Variants in RASSF3 observed in about 807,000 individuals in gnomAD.
The protein encoded by RASSF3 is ras association domain-containing protein 3.
RASSF3 carries 19 observed loss-of-function variants against 19.9 expected under a neutral mutation model. That is an observed-to-expected ratio of 0.96 (90% CI 0.67 to 1.40). RASSF3 has a LOEUF of 1.40. Among genes scored for constraint, RASSF3 ranks in the 40% most tolerant of loss-of-function variants. The pLI, the probability that RASSF3 is intolerant of heterozygous loss-of-function variation, is 0.00. For synonymous variants in RASSF3, 110 were observed against 104.2 expected (o/e 1.06, Z -0.34); for missense variants, 306 against 289.8 (o/e 1.06, Z -0.41).
chr12:64,633,512 C>T (rs1481402607), intron 1 of RASSF3, among the ~76,000 whole-genome samples: 2 of 144,944 alleles, frequency 1.4e-5, no homozygotes, highest in Admixed American at 1.3e-4. Context: ...TTCCTTTCAC[C>T]TCCTGAGGTC....
At chr12:64,618,263 A>G (rs1356303451) in intron 1 of RASSF3, among the ~76,000 whole-genome samples, 1 of 152,076 alleles carries the variant, frequency 6.6e-6, no homozygotes, top group Non-Finnish European at 1.5e-5. Context: ...TTTTCTTAAT[A>G]GTTTAAACAG....
intron 4 of RASSF3, among the ~76,000 whole-genome samples, chr12:64,694,059 G>A (rs1199390026): frequency 6.6e-6 from 1 of 152,178 alleles, no homozygotes; most frequent in African/African-American, 2.4e-5. Flanking sequence ...GAGGAGGGGA[G>A]AATGCGTGCC....
chr12:64,507,482 G>C (rs1868299131), intron 1 of RASSF3: 1 of 393,418 alleles, frequency 2.5e-6, no homozygotes, highest in Non-Finnish European at 4.5e-6. Flanking sequence ...TCATCTGGAG[G>C]GAAAATTGAG....
chr12:64,684,431 G>GTTTTTTTTT (rs146721078), intron 1 of RASSF3, among the ~76,000 whole-genome samples: 1 of 121,506 alleles, frequency 8.2e-6, no homozygotes, highest in African/African-American at 3.2e-5. Flanking sequence ...TTGTTTGTTT[G>GTTTTTTTTT]TTTGTTTTTT....
chr12:64,509,689 T>C (rs1868316473), intron 1 of RASSF3, among the ~76,000 whole-genome samples: 1 of 152,184 alleles, frequency 6.6e-6, no homozygotes, highest in Non-Finnish European at 1.5e-5. Context: ...GAAAGTTTGA[T>C]TATCTGTTTT....
At chr12:64,612,625 A>G (rs1261764637) in intron 1 of RASSF3, among the ~76,000 whole-genome samples, 1 of 151,588 alleles carries the variant, frequency 6.6e-6, no homozygotes, top group Non-Finnish European at 1.5e-5. Context: ...ACAGGCATGC[A>G]CCACCACATC....
At chr12:64,691,064 G>A (rs998310448) in intron 3 of RASSF3, among the ~76,000 whole-genome samples, 1 of 151,854 alleles carries the variant, frequency 6.6e-6, no homozygotes, top group African/African-American at 2.4e-5. Flanking sequence ...GTTTTGCCAT[G>A]TTGGCCAGGC....
rs552476052 is a variant in RASSF3, at chr12:64,679,575, A to C, written c.112-5212A>C. On this transcript the variant is annotated intron_variant, in intron 1 of 4. Coordinates refer to ENST00000542104, the MANE Select transcript of RASSF3 (RefSeq NM_178169.4). ...GCACTTCTTGAGTAGAGCCTGGGTC[A>C]TGCTACCCGAGAACTCCTGGGTGCC... 3.3e-5 allele frequency among the ~76,000 whole-genome samples: 5 copies of C among 152,242 alleles called. No individual in the cohort carries two copies. The South Asian group carries it at 1.0e-3, about 32-fold the overall frequency.
chr12:64,660,989 C>T (rs1336231041), intron 1 of RASSF3, among the ~76,000 whole-genome samples: 5 of 152,190 alleles, frequency 3.3e-5, no homozygotes, highest in Middle Eastern at 3.4e-3. Flanking sequence ...ATAGAACACC[C>T]CTTTCTTGTG....
intron 2 of RASSF3, among the ~76,000 whole-genome samples, chr12:64,603,082 G>C (rs887577751): frequency 6.6e-6 from 1 of 151,892 alleles, no homozygotes; most frequent in African/African-American, 2.4e-5. Flanking sequence ...CTGGGTGACA[G>C]AGCAAAACTC....
intron 2 of RASSF3, among the ~76,000 whole-genome samples, chr12:64,564,314 G>A (rs573320501): frequency 6.6e-6 from 1 of 152,124 alleles, no homozygotes; most frequent in Non-Finnish European, 1.5e-5. Context: ...AACTTTATTG[G>A]ATTGGGGACT....
At chr12:64,535,295 G>A (rs1054989731) in intron 1 of RASSF3, among the ~76,000 whole-genome samples, 1 of 150,990 alleles carries the variant, frequency 6.6e-6, no homozygotes, top group African/African-American at 2.4e-5. Context: ...CAGCTTAGTT[G>A]ATGGAGTGAG....
intron 4 of RASSF3, among the ~76,000 whole-genome samples, chr12:64,692,062 C>T (rs1868295244): frequency 6.6e-6 from 1 of 152,074 alleles, no homozygotes; most frequent in African/African-American, 2.4e-5. Context: ...TCCCCCTTGC[C>T]CAGTCAACTG....
At chr12:64,508,175 A>G (rs1470473822) in intron 1 of RASSF3, among the ~76,000 whole-genome samples, 3 of 152,238 alleles carry the variant, frequency 2.0e-5, no homozygotes, top group Admixed American at 2.0e-4. Flanking sequence ...ATTATCAAAC[A>G]TAATCTGATG....
chr12:64,563,473 A>G (rs1254753018), intron 2 of RASSF3, among the ~76,000 whole-genome samples: 2 of 152,128 alleles, frequency 1.3e-5, no homozygotes, highest in Non-Finnish European at 2.9e-5. Context: ...CCTGGCCAGA[A>G]TATTTTCTTA....
intron 1 of RASSF3, among the ~76,000 whole-genome samples, chr12:64,616,444 G>A (rs977960108): frequency 2.0e-5 from 3 of 152,162 alleles, no homozygotes; most frequent in African/African-American, 4.8e-5. Flanking sequence ...AGTGTGGCCT[G>A]ATCACCAACT....
At chr12:64,551,016 C>T (rs1007813306) in intron 2 of RASSF3, among the ~76,000 whole-genome samples, 2 of 152,068 alleles carry the variant, frequency 1.3e-5, no homozygotes, top group South Asian at 2.1e-4. Flanking sequence ...CAAGCTTGCC[C>T]GAGATGGCTG....
chr12:64,620,842 C>T (rs1423205040), intron 1 of RASSF3, among the ~76,000 whole-genome samples: 1 of 152,072 alleles, frequency 6.6e-6, no homozygotes, highest in African/African-American at 2.4e-5. Context: ...TACACCCTTA[C>T]TTCCATTGGA....
chr12:64,659,156 GC>G (rs979598056), intron 1 of RASSF3, among the ~76,000 whole-genome samples: 4 of 152,288 alleles, frequency 2.6e-5, no homozygotes, highest in Non-Finnish European at 5.9e-5. Flanking sequence ...CCATGGTCCT[GC>G]CTGTGTTTTT....
Sources: allele counts gnomAD v4.1 joint callset (sites outside exome capture counted in the v4.1 genomes callset), GRCh38; gene constraint gnomAD v4.1.1; transcripts MANE v1.5; gene names NCBI Gene and HGNC (gene_info 2026-07-23, HGNC 2026-07-21).